The following DENND1B variants were observed in gnomAD, a reference collection of about 807,000 sequenced individuals.
DENND1B encodes the protein DENN domain-containing protein 1B.
In DENND1B, 59 loss-of-function variants were observed where a neutral mutation model predicts 90.1. That is an observed-to-expected ratio of 0.65 (90% CI 0.53 to 0.81). The LOEUF is 0.81. Ranked by LOEUF, DENND1B falls within the 40% of genes least tolerant of loss-of-function variation. DENND1B has a pLI of 0.00. For missense variants in DENND1B, 862 were observed against 912.6 expected (o/e 0.94, Z 0.71); for synonymous variants, 337 against 324.6 (o/e 1.04, Z -0.41).
chr1:197,524,570 T>C (rs1464147527), intron 20 of DENND1B, among the ~76,000 whole-genome samples: 1 of 151,940 alleles, frequency 6.6e-6, no homozygotes, highest in Non-Finnish European at 1.5e-5. Context: ...AAAGGAAGAG[T>C]AAAAATAAAC....
chr1:197,753,208 T>C (rs1653802353), intron 2 of DENND1B, among the ~76,000 whole-genome samples: 1 of 152,052 alleles, frequency 6.6e-6, no homozygotes, highest in Admixed American at 6.5e-5. Flanking sequence ...TTATCAAACG[T>C]GCAAAAGACA....
chr1:197,528,487 CA>C (rs1353960456), intron 20 of DENND1B, among the ~76,000 whole-genome samples: 1 of 152,116 alleles, frequency 6.6e-6, no homozygotes, highest in Non-Finnish European at 1.5e-5. Context: ...TCCAAAAAGA[CA>C]AAAAGTTTCA....
upstream of DENND1B, among the ~76,000 whole-genome samples, chr1:197,778,514 A>G (rs529691916): frequency 6.6e-6 from 1 of 152,198 alleles, no homozygotes; most frequent in East Asian, 1.9e-4. Flanking sequence ...GTCTGCTAAA[A>G]ATACAAAAAT....
In DENND1B at chr1:197,510,927, C is replaced by A. The variant is rs1001897624; in HGVS notation, c.1861G>T (p.Gly621Cys). ...CACTCTGCTTGGTCACCAGAACCAC[C>A]ACAGAGGAAAGCCAGGTTATTCTCA... ...PSENNLAFLC[G>C]GSGDQAEWNL... is the part of the protein sequence containing the mutation. Residue 621 changes from glycine (G) to cysteine (C), a missense_variant, in exon 23 of 23, where the codon GGT becomes TGT. Coordinates refer to ENST00000620048, the MANE Select transcript of DENND1B (RefSeq NM_001195215.2). 1.3e-6 allele frequency: 2 copies of A among 1,566,404 alleles called. No homozygotes were observed. Among genetic ancestry groups the A allele is most frequent in the African/African-American group, 1.4e-5 (1 of 72,766 alleles).
chr1:197,532,225 GGCTGCAT>G (rs1669662571), intron 20 of DENND1B, among the ~76,000 whole-genome samples: 1 of 10,324 alleles, frequency 9.7e-5, no homozygotes, highest in African/African-American at 1.0e-4. Context: ...TGTGTTTTTT[GGCTGCAT>G]AAATGTCTTC....
chr1:197,758,615 A>G (rs1654607170), intron 2 of DENND1B, among the ~76,000 whole-genome samples: 1 of 152,236 alleles, frequency 6.6e-6, no homozygotes, highest in Non-Finnish European at 1.5e-5. Context: ...CAAGTGATGA[A>G]GCCAGTACCA....
chr1:197,554,275 A>G (rs1671511411), intron 15 of DENND1B, among the ~76,000 whole-genome samples: 1 of 152,062 alleles, frequency 6.6e-6, no homozygotes, highest in Non-Finnish European at 1.5e-5. Context: ...CTTAAGAGGC[A>G]GGGGATAACA....
intron 10 of DENND1B, among the ~76,000 whole-genome samples, chr1:197,633,459 G>A (rs1453334404): frequency 6.6e-6 from 1 of 152,092 alleles, no homozygotes; most frequent in Non-Finnish European, 1.5e-5. Flanking sequence ...GGTACTAAAG[G>A]GACAATGCAA....
At chr1:197,736,035 T>G (rs1383114631) in intron 2 of DENND1B, 1 of 935,610 alleles carries the variant, frequency 1.1e-6, no homozygotes, top group Non-Finnish European at 1.7e-6. Context: ...TTAAGGCACC[T>G]ACAAAGGCAG....
At chr1:197,761,045 CACA>C in intron 2 of DENND1B, among the ~76,000 whole-genome samples, 1 of 152,136 alleles carries the variant, frequency 6.6e-6, no homozygotes, top group Admixed American at 6.5e-5. Context: ...AAAGAACCAA[CACA>C]TAATCTTGAT....
At chr1:197,723,295 C>G (rs953970321) in intron 2 of DENND1B, among the ~76,000 whole-genome samples, 1 of 152,046 alleles carries the variant, frequency 6.6e-6, no homozygotes, top group Non-Finnish European at 1.5e-5. Flanking sequence ...CCAAACAGGG[C>G]TAATGGGTGA....
Position 197,505,961 on chromosome 1 carries a change from A to G in DENND1B, c.*4499T>C, listed in dbSNP as rs1416734737. ...AAGGTACAGGATTTTCTTATTGCAT[A>G]TTTATTGTTGCTGAGGCAGTTAGTT... is the stretch of plus-strand genomic sequence containing the variant. On this transcript the variant is annotated 3_prime_UTR_variant, in exon 23 of 23. Coordinates refer to ENST00000620048, the MANE Select transcript of DENND1B (RefSeq NM_001195215.2). 1 of 151,580 alleles carries G rather than the reference A, an allele frequency of 6.6e-6. No individual in the cohort carries two copies. The highest frequency in any genetic ancestry group is 1.5e-5 in the Non-Finnish European group (1 of 67,674). 9.4% of individuals were successfully genotyped at this position (151,580 alleles called of 1,614,324 possible).
At chr1:197,522,002 T>C (rs886565415) in intron 20 of DENND1B, among the ~76,000 whole-genome samples, 2 of 152,046 alleles carry the variant, frequency 1.3e-5, no homozygotes, top group African/African-American at 4.8e-5. Context: ...GTTTTCATCA[T>C]AACTATGCTA....
intron 10 of DENND1B, among the ~76,000 whole-genome samples, chr1:197,620,573 T>C (rs1678063762): frequency 6.6e-6 from 1 of 151,376 alleles, no homozygotes; most frequent in South Asian, 2.1e-4. Context: ...ATACTATGAC[T>C]GGACTATAAT....
intron 2 of DENND1B, among the ~76,000 whole-genome samples, chr1:197,767,355 C>T (rs1468640826): frequency 6.6e-6 from 1 of 151,588 alleles, no homozygotes; most frequent in African/African-American, 2.4e-5. Context: ...AAAAAGTTAT[C>T]AAATGCAAAA....
At chr1:197,709,733 A>G (rs1471325583) in intron 3 of DENND1B, among the ~76,000 whole-genome samples, 3 of 57,766 alleles carry the variant, frequency 5.2e-5, no homozygotes, top group Non-Finnish European at 9.3e-5. Context: ...TAACAATATT[A>G]ACTTTAAATA....
At chr1:197,605,582 A>G (rs1676602388) in intron 13 of DENND1B, 1 of 151,068 alleles carries the variant, frequency 6.6e-6, no homozygotes, top group African/African-American at 2.4e-5. Context: ...TTGGGATTCT[A>G]TTTTCATAAT....
chr1:197,772,862 A>G lies in DENND1B; in HGVS notation c.82+6T>C. The G allele has an allele frequency of 6.4e-7, 1 of 1,550,584 alleles. No individual in the cohort carries two copies. Among genetic ancestry groups the G allele is most frequent in the South Asian group, 1.2e-5 (1 of 83,968 alleles). ...TGTCAAATAACAGAACACAGAAGAC[A>G]CATACCTTCATTTTCAGAGGCATGA... On this transcript the variant is annotated splice_donor_region_variant and intron_variant, in intron 2 of 22. Transcript: ENST00000620048.
chr1:197,616,448 CCAAA>C (rs975262673), intron 11 of DENND1B, among the ~76,000 whole-genome samples: 3 of 151,060 alleles, frequency 2.0e-5, no homozygotes, highest in Admixed American at 6.6e-5. Context: ...TAGTTTCCTG[CCAAA>C]CAGTTTCTCC....
Sources: gnomAD v4.1 joint callset for allele counts (sites outside exome capture counted in the v4.1 genomes callset) on GRCh38, gnomAD v4.1.1 for gene constraint, MANE v1.5 for transcripts, NCBI Gene and HGNC (gene_info 2026-07-23, HGNC 2026-07-21) for gene names.